EYS: variants seen among roughly 807,000 people sequenced by gnomAD.
EYS encodes protein eyes shut homolog.
EYS carries 250 observed loss-of-function variants against 282.1 expected under a neutral mutation model. The observed-to-expected ratio is 0.89, with a 90% CI of 0.80 to 0.98. EYS has a LOEUF of 0.98. Ranked by LOEUF, EYS falls within the 50% of genes least tolerant of loss-of-function variation. The probability of loss-of-function intolerance (pLI) is 0.00; values close to 1 mark genes in which losing one functional copy is unlikely to be tolerated. For synonymous variants in EYS, 1,355 were observed against 1,282.9 expected (o/e 1.06, Z -1.20); for missense variants, 4,016 against 3,709.0 (o/e 1.08, Z -2.15).
At chr6:65,303,773 C>T (rs1316140289) in intron 11 of EYS, 1 of 550,414 alleles carries the variant, frequency 1.8e-6, no homozygotes, top group Admixed American at 3.8e-5. Context: ...ACATAGGCAG[C>T]AGGAAGCAGA....
At chr6:64,096,784 G>A (rs574122932) in intron 31 of EYS, among the ~76,000 whole-genome samples, 49 of 152,276 alleles carry the variant, frequency 3.2e-4, no homozygotes, top group African/African-American at 1.1e-3. Flanking sequence ...GCTTTGTTCC[G>A]TTGCTGGTGA....
At chr6:65,560,970 A>AT (rs1218235558) in intron 2 of EYS, among the ~76,000 whole-genome samples, 1 of 151,864 alleles carries the variant, frequency 6.6e-6, no homozygotes, top group African/African-American at 2.4e-5. Flanking sequence ...GTACTTTGTT[A>AT]TTTTTTCATC....
chr6:64,795,998 A>G (rs1419060785), intron 22 of EYS, among the ~76,000 whole-genome samples: 1 of 152,184 alleles, frequency 6.6e-6, no homozygotes, highest in Non-Finnish European at 1.5e-5. Context: ...ATGAGTCTAC[A>G]CTGAGAAGTA....
intron 5 of EYS, among the ~76,000 whole-genome samples, chr6:65,475,752 GACAGAC>G (rs1479393569): frequency 2.8e-5 from 4 of 144,790 alleles, no homozygotes; most frequent in Admixed American, 7.0e-5. Context: ...CAGACAGACA[GACAGAC>G]ACACACACAC....
intron 2 of EYS, among the ~76,000 whole-genome samples, chr6:65,603,965 T>A (rs1765694389): frequency 6.6e-6 from 1 of 151,948 alleles, no homozygotes; most frequent in African/African-American, 2.4e-5. Context: ...TGTTTTAGAT[T>A]TTTTTCCTTG....
intron 9 of EYS, among the ~76,000 whole-genome samples, chr6:65,351,394 G>A (rs140152720): frequency 6.6e-6 from 1 of 151,776 alleles, no homozygotes; most frequent in African/African-American, 2.4e-5. Context: ...TTTCTGCTAA[G>A]TTTTCCATGA....
chr6:65,703,196 A>ATC (rs372211829), intron 1 of EYS, among the ~76,000 whole-genome samples: 1 of 151,574 alleles, frequency 6.6e-6, no homozygotes, highest in African/African-American at 2.4e-5. Context: ...TCTCTCCTCT[A>ATC]TCTCTCTCTC....
chr6:64,929,043 T>G (rs1768613805), intron 15 of EYS, among the ~76,000 whole-genome samples: 1 of 152,142 alleles, frequency 6.6e-6, no homozygotes, highest in African/African-American at 2.4e-5. Flanking sequence ...GAGGTCCTAA[T>G]CACCAGGATC....
At chr6:64,153,952 T>A (rs891721863) in intron 31 of EYS, among the ~76,000 whole-genome samples, 2 of 152,090 alleles carry the variant, frequency 1.3e-5, no homozygotes, top group Admixed American at 1.3e-4. Context: ...ATGAATACAT[T>A]TAAAAAATAG....
At chr6:64,785,961 A>C (rs1056922468) in intron 22 of EYS, among the ~76,000 whole-genome samples, 1 of 152,218 alleles carries the variant, frequency 6.6e-6, no homozygotes, top group Non-Finnish European at 1.5e-5. Context: ...ATCACCAACA[A>C]AATAAGAATT....
intron 12 of EYS, among the ~76,000 whole-genome samples, chr6:65,071,894 T>C (rs1046700157): frequency 6.6e-6 from 1 of 151,812 alleles, no homozygotes; most frequent in Non-Finnish European, 1.5e-5. Flanking sequence ...CATAGATTAA[T>C]GCCATTATAA....
intron 22 of EYS, among the ~76,000 whole-genome samples, chr6:64,664,316 T>G (rs1371665498): frequency 6.6e-6 from 1 of 152,230 alleles, no homozygotes; most frequent in African/African-American, 2.4e-5. Flanking sequence ...CTCCTGTTTT[T>G]AGCCTAATTG....
intron 28 of EYS, among the ~76,000 whole-genome samples, chr6:64,395,640 G>A (rs867115547): frequency 1.5e-5 from 2 of 130,730 alleles, no homozygotes; most frequent in South Asian, 2.6e-4. Context: ...TGTCGGGTTG[G>A]GGGGAGGGGG....
chr6:65,577,890 C>T (rs982300002), intron 2 of EYS, among the ~76,000 whole-genome samples: 10 of 151,764 alleles, frequency 6.6e-5, no homozygotes, highest in African/African-American at 2.2e-4. Context: ...GAGATCTCAC[C>T]TCATGCCTGT....
At chr6:64,935,943 A>G (rs1018822729) in intron 15 of EYS, among the ~76,000 whole-genome samples, 2 of 151,620 alleles carry the variant, frequency 1.3e-5, no homozygotes, top group Admixed American at 1.3e-4. Context: ...AACATGTTCT[A>G]TGTGGCTAAT....
At chr6:65,117,673 CTTTATG>C (rs1266464036) in intron 12 of EYS, among the ~76,000 whole-genome samples, 4 of 152,076 alleles carry the variant, frequency 2.6e-5, no homozygotes, top group East Asian at 3.9e-4. Flanking sequence ...ACATAATATA[CTTTATG>C]TTTATATGAA....
At chr6:64,659,304 C>A (rs1768896200) in intron 22 of EYS, among the ~76,000 whole-genome samples, 1 of 151,832 alleles carries the variant, frequency 6.6e-6, no homozygotes, top group South Asian at 2.1e-4. Context: ...AAATTGACAC[C>A]CTAACATCAC....
At chr6:64,115,986 A>C (rs1472283619) in intron 31 of EYS, among the ~76,000 whole-genome samples, 3 of 152,168 alleles carry the variant, frequency 2.0e-5, no homozygotes, top group Non-Finnish European at 4.4e-5. Flanking sequence ...AGTGAGCTAC[A>C]AGAAAACATA....
At chr6:65,548,974 G>T (rs1450728368) in intron 2 of EYS, among the ~76,000 whole-genome samples, 2 of 152,114 alleles carry the variant, frequency 1.3e-5, no homozygotes, top group African/African-American at 4.8e-5. Context: ...CAGGATGAAA[G>T]TGTTCCACCT....
Sources: allele counts gnomAD v4.1 joint callset (sites outside exome capture counted in the v4.1 genomes callset), GRCh38; gene constraint gnomAD v4.1.1; transcripts MANE v1.5; gene names NCBI Gene and HGNC (gene_info 2026-07-23, HGNC 2026-07-21).